The following TENM2 variants were observed in gnomAD, a reference collection of about 807,000 sequenced individuals.
The protein encoded by TENM2 is teneurin-2.
In TENM2, 52 loss-of-function variants were observed where a neutral mutation model predicts 245.2. The ratio of observed to expected loss-of-function variants is 0.21; its 90% CI spans 0.17 to 0.27. The LOEUF (loss-of-function observed/expected upper bound fraction) is 0.27. TENM2 is among the 10% of genes least tolerant of loss of function. The pLI, the probability that TENM2 is intolerant of heterozygous loss-of-function variation, is 1.00. For synonymous variants in TENM2, 1,363 were observed against 1,438.9 expected (o/e 0.95, Z 1.19); for missense variants, 3,046 against 3,666.8 (o/e 0.83, Z 4.37).
At chr5:168,066,199 G>A (rs1204997518) in intron 7 of TENM2, among the ~76,000 whole-genome samples, 2 of 152,178 alleles carry the variant, frequency 1.3e-5, no homozygotes, top group African/African-American at 4.8e-5. Flanking sequence ...CTTCTACTAT[G>A]AGGAACAAGA....
At chr5:167,440,643 A>G (rs1561957857) in intron 2 of TENM2, among the ~76,000 whole-genome samples, 1 of 152,200 alleles carries the variant, frequency 6.6e-6, no homozygotes, top group Non-Finnish European at 1.5e-5. Flanking sequence ...ACTATGTAAT[A>G]TGAATCCTGG....
intron 25 of TENM2, among the ~76,000 whole-genome samples, chr5:168,234,709 G>A (rs568529856): frequency 9.2e-5 from 14 of 152,122 alleles, no homozygotes; most frequent in South Asian, 4.2e-4. Flanking sequence ...TTCCTAAAAC[G>A]GATCTTGTGC....
intron 27 of TENM2, 119 bp downstream of exon 29, chr5:168,248,490 C>G: frequency 1.0e-6 from 1 of 997,292 alleles, no homozygotes; most frequent in Non-Finnish European, 1.4e-6. Flanking sequence ...CCATAAAGCC[C>G]AGGCAGTGCA....
chr5:168,039,443 C>T (rs1377912878), intron 5 of TENM2, among the ~76,000 whole-genome samples: 1 of 152,120 alleles, frequency 6.6e-6, no homozygotes, highest in African/African-American at 2.4e-5. Flanking sequence ...CTCTTAAAAT[C>T]CCAGACCATG....
chr5:167,092,755 T>C, the TENM2 span, among the ~76,000 whole-genome samples: 1 of 152,164 alleles, frequency 6.6e-6, no homozygotes, highest in Non-Finnish European at 1.5e-5. Context: ...TGCACTATAG[T>C]CACTCCTGTA....
At chr5:167,680,181 G>A (rs1236402864) in intron 2 of TENM2, among the ~76,000 whole-genome samples, 1 of 151,900 alleles carries the variant, frequency 6.6e-6, no homozygotes, top group Non-Finnish European at 1.5e-5. Context: ...TTTAATGCCA[G>A]TTATAGTACT....
At chr5:168,089,109 C>G (rs1230958699) in intron 7 of TENM2, among the ~76,000 whole-genome samples, 1 of 152,116 alleles carries the variant, frequency 6.6e-6, no homozygotes, top group Non-Finnish European at 1.5e-5. Flanking sequence ...GGGGTTTTAT[C>G]GATTTTCTTG....
intron 2 of TENM2, among the ~76,000 whole-genome samples, chr5:167,518,015 C>T (rs1025256025): frequency 2.6e-5 from 4 of 151,846 alleles, no homozygotes; most frequent in Non-Finnish European, 5.9e-5. Context: ...GGTGAAACCC[C>T]GTCTCTACTA....
At chr5:167,865,181 ATTG>A (rs1772200755) in intron 2 of TENM2, among the ~76,000 whole-genome samples, 1 of 152,218 alleles carries the variant, frequency 6.6e-6, no homozygotes, top group African/African-American at 2.4e-5. Flanking sequence ...TTCATCTGAA[ATTG>A]TTGGATTGTC....
At chr5:167,201,114 A>G in the TENM2 span, among the ~76,000 whole-genome samples, 1 of 152,122 alleles carries the variant, frequency 6.6e-6, no homozygotes, top group Admixed American at 6.5e-5. Context: ...CTTACAATAG[A>G]AGCCAAAGTG....
the TENM2 span, among the ~76,000 whole-genome samples, chr5:167,123,747 T>C: frequency 6.6e-6 from 1 of 152,314 alleles, no homozygotes; most frequent in African/African-American, 2.4e-5. Flanking sequence ...TAAATGCATC[T>C]GAAATTCTGC....
chr5:167,662,820 G>T (rs1371527405), intron 2 of TENM2, among the ~76,000 whole-genome samples: 1 of 152,112 alleles, frequency 6.6e-6, no homozygotes, highest in Non-Finnish European at 1.5e-5. Flanking sequence ...TCACCTGAGA[G>T]CTTATCAGAA....
chr5:167,680,885 T>G (rs902624980), intron 2 of TENM2, among the ~76,000 whole-genome samples: 7 of 151,956 alleles, frequency 4.6e-5, no homozygotes, highest in Non-Finnish European at 1.0e-4. Flanking sequence ...AAGTGCTTGG[T>G]GCACATTAAG....
chr5:167,330,148 G>C (rs922515816), intron 1 of TENM2, among the ~76,000 whole-genome samples: 3 of 152,098 alleles, frequency 2.0e-5, no homozygotes, highest in Non-Finnish European at 4.4e-5. Context: ...AGAACATCTT[G>C]GGAAGAGGAT....
At chr5:168,012,792 A>C (rs1785346937) in intron 5 of TENM2, among the ~76,000 whole-genome samples, 1 of 151,272 alleles carries the variant, frequency 6.6e-6, no homozygotes, top group Non-Finnish European at 1.5e-5. Flanking sequence ...AAAAAAAAAA[A>C]AAAAACCCTA....
chr5:168,066,282 A>C (rs1003330166), intron 7 of TENM2, among the ~76,000 whole-genome samples: 2 of 152,142 alleles, frequency 1.3e-5, no homozygotes, highest in African/African-American at 4.8e-5. Context: ...TCATTTAAGC[A>C]CTTCTTATAT....
chr5:168,201,039 A>G (rs190878252), intron 17 of TENM2, among the ~76,000 whole-genome samples: 52 of 152,208 alleles, frequency 3.4e-4, no homozygotes, highest in Non-Finnish European at 4.6e-4. Flanking sequence ...TTTGTTGGGT[A>G]ACCTCTCAAT....
upstream of TENM2, among the ~76,000 whole-genome samples, chr5:167,279,959 T>C (rs1031551090): frequency 1.3e-5 from 2 of 152,164 alleles, no homozygotes; most frequent in Non-Finnish European, 2.9e-5. Context: ...TGACAAGTGA[T>C]TTTTTATTGA....
chr5:167,431,970 T>TGTATATATATATATATAC (rs1554150945), intron 2 of TENM2, among the ~76,000 whole-genome samples: 37 of 135,522 alleles, frequency 2.7e-4, no homozygotes, highest in African/African-American at 9.2e-4. Context: ...TGTATATATA[T>TGTATATATATATATATAC]ATATATATGG....
Sources: gnomAD v4.1 joint callset for allele counts (sites outside exome capture counted in the v4.1 genomes callset) on GRCh38, gnomAD v4.1.1 for gene constraint, MANE v1.5 for transcripts, NCBI Gene and HGNC (gene_info 2026-07-23, HGNC 2026-07-21) for gene names.